ZFHX3: variants seen among roughly 807,000 people sequenced by gnomAD.
ZFHX3 encodes zinc finger homeobox protein 3.
In ZFHX3, 42 loss-of-function variants were observed where a neutral mutation model predicts 279.1. The observed-to-expected ratio is 0.15, with a 90% CI of 0.12 to 0.19. ZFHX3 has a LOEUF of 0.19. Among genes scored for constraint, ZFHX3 ranks in the 10% least tolerant of loss-of-function variants. The pLI is 1.00. For missense variants in ZFHX3, 4,981 were observed against 4,754.0 expected, an observed-to-expected ratio of 1.05 and a Z score of -1.40; for synonymous variants, 2,293 against 1,957.8, an observed-to-expected ratio of 1.17 and a Z score of -4.52.
chr16:73,004,603 C>T (rs544380942), intron 1 of ZFHX3, among the ~76,000 whole-genome samples: 3 of 152,014 alleles, frequency 2.0e-5, no homozygotes, highest in Non-Finnish European at 4.4e-5. Flanking sequence ...TGGGCCACTG[C>T]ACCTGGCTGT....
intron 7 of ZFHX3, among the ~76,000 whole-genome samples, chr16:73,103,582 A>G (rs951314580): frequency 1.3e-5 from 2 of 152,138 alleles, no homozygotes; most frequent in African/African-American, 2.4e-5. Flanking sequence ...TTTGTATCCA[A>G]ACTCCTCTGT....
intron 5 of ZFHX3, among the ~76,000 whole-genome samples, chr16:73,243,445 T>C (rs1372114083): frequency 1.3e-5 from 2 of 152,206 alleles, no homozygotes; most frequent in South Asian, 2.1e-4. Flanking sequence ...AAGGCTGATA[T>C]CAGATGTAAC....
chr16:73,883,142 A>G (rs1403939234), intron 1 of ZFHX3, among the ~76,000 whole-genome samples: 3 of 152,120 alleles, frequency 2.0e-5, no homozygotes, highest in Non-Finnish European at 4.4e-5. Context: ...TAAGGTGGGC[A>G]ATTTCAGAAT....
Position 73,151,635 on chromosome 16 carries a change from G to A in ZFHX3, c.-1103-7804C>T, listed in dbSNP as rs181377327. The stretch of plus-strand genomic sequence containing the variant: ...CTACTCCTCCAGGAGCCTTCATTCT[G>A]CAGGTGCCCGAGAAATAAAAACACA... On this transcript the variant is annotated intron_variant, in intron 5 of 17. Coordinates refer to the ZFHX3 transcript ENST00000641206. Among the ~76,000 whole-genome samples, 185 of 152,228 alleles carry A rather than the reference G, an allele frequency of 1.2e-3. 2 individuals are homozygous for A. Among genetic ancestry groups the A allele is most frequent in the African/African-American group, 4.3e-3 (179 of 41,530 alleles).
intron 3 of ZFHX3, among the ~76,000 whole-genome samples, chr16:72,932,459 C>T (rs1191861072): frequency 6.6e-6 from 1 of 150,598 alleles, no homozygotes; most frequent in East Asian, 1.9e-4. Context: ...ATGGAGATAT[C>T]CCTTTGGGAA....
At chr16:73,634,303 G>A (rs1024127753) in intron 2 of ZFHX3, among the ~76,000 whole-genome samples, 1 of 151,636 alleles carries the variant, frequency 6.6e-6, no homozygotes, top group Non-Finnish European at 1.5e-5. Flanking sequence ...CCTCAGAGAA[G>A]TTTTCACATA....
chr16:72,956,172 G>A (rs1346174030), intron 2 of ZFHX3, among the ~76,000 whole-genome samples: 2 of 152,140 alleles, frequency 1.3e-5, no homozygotes, highest in Admixed American at 6.5e-5. Flanking sequence ...TAACTCATCG[G>A]CAACAATTAG....
At chr16:73,056,470 T>C (rs1253624075) in intron 1 of ZFHX3, among the ~76,000 whole-genome samples, 2 of 152,046 alleles carry the variant, frequency 1.3e-5, no homozygotes, top group Non-Finnish European at 2.9e-5. Flanking sequence ...CTAGGTCTCC[T>C]GAATACCCCC....
intron 1 of ZFHX3, among the ~76,000 whole-genome samples, chr16:73,864,706 C>A (rs1479558373): frequency 6.6e-6 from 1 of 152,086 alleles, no homozygotes; most frequent in African/African-American, 2.4e-5. Context: ...GACAACAGAG[C>A]AAGACTCTGT....
chr16:72,859,730 C>T (rs1228094544), intron 4 of ZFHX3, among the ~76,000 whole-genome samples: 6 of 152,020 alleles, frequency 3.9e-5, no homozygotes, highest in Non-Finnish European at 7.4e-5. Context: ...AAGGAGTTGC[C>T]CAGTGAGGGG....
intron 1 of ZFHX3, among the ~76,000 whole-genome samples, chr16:73,762,111 A>G (rs1282501410): frequency 6.6e-6 from 1 of 151,998 alleles, no homozygotes; most frequent in East Asian, 1.9e-4. Flanking sequence ...TCCAGAATCT[A>G]TAAAGAACTT....
intron 5 of ZFHX3, among the ~76,000 whole-genome samples, chr16:73,164,574 C>T (rs976197303): frequency 1.3e-5 from 2 of 152,070 alleles, no homozygotes; most frequent in Admixed American, 6.6e-5. Flanking sequence ...GTGGCATATG[C>T]CTGTAATCTC....
intron 1 of ZFHX3, among the ~76,000 whole-genome samples, chr16:72,996,455 C>T (rs757882436): frequency 1.3e-5 from 2 of 152,208 alleles, no homozygotes; most frequent in Non-Finnish European, 2.9e-5. Flanking sequence ...GAGCACCAAG[C>T]AGCCAAGAAG....
intron 2 of ZFHX3, among the ~76,000 whole-genome samples, chr16:73,581,007 C>T (rs2051855538): frequency 6.6e-6 from 1 of 151,846 alleles, no homozygotes; most frequent in African/African-American, 2.4e-5. Context: ...TTAGAGATCA[C>T]AGTCTGGACA....
At chr16:73,157,090 G>A (rs1051343750) in intron 5 of ZFHX3, among the ~76,000 whole-genome samples, 8 of 151,942 alleles carry the variant, frequency 5.3e-5, no homozygotes, top group African/African-American at 1.2e-4. Flanking sequence ...TTTCTAAAGC[G>A]CACTCAGATG....
At chr16:73,019,369 C>T (rs200171994) in intron 1 of ZFHX3, among the ~76,000 whole-genome samples, 50 of 127,098 alleles carry the variant, frequency 3.9e-4, no homozygotes, top group Non-Finnish European at 6.0e-4. Context: ...TGTGTGTGTG[C>T]GTGTGCGTGT....
intron 5 of ZFHX3, among the ~76,000 whole-genome samples, chr16:73,187,519 G>A (rs1022732673): frequency 3.9e-5 from 6 of 152,276 alleles, no homozygotes; most frequent in African/African-American, 1.4e-4. Flanking sequence ...AAAGAGAAAA[G>A]GAGTGTGGTG....
intron 3 of ZFHX3, among the ~76,000 whole-genome samples, chr16:73,404,410 T>C (rs1167453162): frequency 1.3e-5 from 2 of 152,296 alleles, no homozygotes; most frequent in South Asian, 2.1e-4. Context: ...ATGCACTCTA[T>C]CTGCGCAGAG....
chr16:73,064,234 A>T (rs1046309900), upstream of ZFHX3, among the ~76,000 whole-genome samples: 1 of 152,046 alleles, frequency 6.6e-6, no homozygotes, highest in Non-Finnish European at 1.5e-5. Flanking sequence ...CGGGAAGTAC[A>T]CGGACAGGGA....
Sources: allele counts gnomAD v4.1 joint callset (sites outside exome capture counted in the v4.1 genomes callset), GRCh38; gene constraint gnomAD v4.1.1; transcripts MANE v1.5; gene names NCBI Gene and HGNC (gene_info 2026-07-23, HGNC 2026-07-21).